IGDCC3: variants seen among roughly 807,000 people sequenced by gnomAD.
IGDCC3 encodes immunoglobulin superfamily DCC subclass member 3, also known as putative neuronal cell adhesion molecule.
A neutral mutation model predicts 72.0 loss-of-function variants in IGDCC3; 47 were observed. That is an observed-to-expected ratio of 0.65 (90% confidence interval 0.52 to 0.83). The LOEUF (loss-of-function observed/expected upper bound fraction) is 0.83, where lower values mean the gene tolerates loss of function less well. Ranked by LOEUF, IGDCC3 falls within the 40% of genes least tolerant of loss-of-function variation. The probability of loss-of-function intolerance (pLI) is 0.00; values close to 1 mark genes in which losing one functional copy is unlikely to be tolerated. For missense variants in IGDCC3, 1,038 were observed against 1,091.3 expected (o/e 0.95, Z 0.69); for synonymous variants, 477 against 472.8 (o/e 1.01, Z -0.11).
At chr15:65,370,140 C>T (rs1050174602) in intron 2 of IGDCC3, among the ~76,000 whole-genome samples, 6 of 152,000 alleles carry the variant, frequency 3.9e-5, no homozygotes, top group African/African-American at 7.2e-5. Flanking sequence ...GGGACCTTTC[C>T]GGGAATGATA....
At chr15:65,330,437 A>G in intron 10 of IGDCC3, 40 bp from the exon 11 acceptor site, 1 of 1,586,892 alleles carries the variant, frequency 6.3e-7, no homozygotes, top group South Asian at 1.1e-5. Flanking sequence ...GCCCCTGCCC[A>G]ACCACGTGCC....
chr15:65,364,650 G>A (rs1400950079), intron 2 of IGDCC3, among the ~76,000 whole-genome samples: 1 of 152,186 alleles, frequency 6.6e-6, no homozygotes, highest in African/African-American at 2.4e-5. Context: ...ACTTTGGGAG[G>A]GTGAGGTGGG....
intron 2 of IGDCC3, among the ~76,000 whole-genome samples, chr15:65,348,300 C>G (rs1386730109): frequency 6.6e-6 from 1 of 152,216 alleles, no homozygotes. Flanking sequence ...GCACTGCAGA[C>G]TCGCCCTGAA....
chr15:65,337,365 G>A lies in IGDCC3; in HGVS notation c.410-1409C>T, dbSNP rs143681816. Among the ~76,000 whole-genome samples, 1,163 of 152,336 alleles carry A rather than the reference G, an allele frequency of 7.6e-3. 7 individuals are homozygous for A. Among genetic ancestry groups the A allele is most frequent in the Non-Finnish European group, 0.013 (879 of 68,028 alleles). On this transcript the variant is annotated intron_variant, in intron 2 of 13. Coordinates refer to ENST00000327987, the MANE Select transcript of IGDCC3 (RefSeq NM_004884.4). ...TACATGTGTGCGGGGCTGTGTCTCC[G>A]TGTATGTGGTCTGAGTGTCTGTGTC...
In IGDCC3 at chr15:65,375,100, C is replaced by A; in HGVS notation, c.406G>T (p.Ala136Ser). 6.2e-7 allele frequency: 1 copy of A among 1,611,106 alleles called. No individual in the cohort carries two copies. Among genetic ancestry groups the A allele is most frequent in the Non-Finnish European group, 8.5e-7 (1 of 1,177,864 alleles). ...AAAACAAGGGATATCCACTTACTTG[C>A]AGCTTGGATGCGAGCCTTCCGGCTG... is the stretch of plus-strand genomic sequence containing the variant. The part of the protein sequence containing the change: ...VVSRKARIQA[A>S]TMSDFHVHPQ... Residue 136 changes from alanine (A) to serine (S), a missense_variant, in exon 2 of 14, where the codon GCA becomes TCA. By Grantham distance (99) the Ala-to-Ser change is moderately conservative. Transcript: ENST00000327987.
At chr15:65,359,366 A>ACTGCAGGGAAGAGGCATGCTT (rs1188362587) in intron 2 of IGDCC3, among the ~76,000 whole-genome samples, 45 of 152,186 alleles carry the variant, frequency 3.0e-4, no homozygotes, top group Non-Finnish European at 5.6e-4. Flanking sequence ...TGCACAGGAC[A>ACTGCAGGGAAGAGGCATGCTT]CTGCAGGGAA....
At position 65,335,331 on chromosome 15, in the gene IGDCC3, G is replaced by A; in HGVS notation, c.645C>T (p.Ala215=). Residue 215 remains alanine (A), a synonymous_variant, in exon 4 of 14, where the codon GCC becomes GCT. Coordinates refer to ENST00000327987, the MANE Select transcript of IGDCC3 (RefSeq NM_004884.4). ...GIFHCVASNI[A]SIRISHGARL... ...TGGCCCCGTGGCTGATCCGGATACT[G>A]GCGATGTTTGAGGCCACACAGTGGA... 1 of 1,613,740 alleles carries A rather than the reference G, an allele frequency of 6.2e-7. No individual in the cohort carries two copies. Among genetic ancestry groups the A allele is most frequent in the Non-Finnish European group, 8.5e-7 (1 of 1,179,816 alleles).
chr15:65,331,904 C>G (rs755265138), intron 7 of IGDCC3, 37 bp downstream of exon 7: 1 of 1,593,948 alleles, frequency 6.3e-7, no homozygotes, highest in Non-Finnish European at 8.5e-7. Flanking sequence ...TCCCTGCTCT[C>G]CCCTGGTCCT....
At position 65,375,269 on chromosome 15, in the gene IGDCC3, C is replaced by T; in HGVS notation, c.237G>A (p.Gly79=). The change falls in exon 2 of 14, where the codon GGG becomes GGA. Residue 79 remains glycine (G), a synonymous_variant. Transcript: ENST00000327987. ...AGTGGGTACTCTCTGGCAGCTCTAC[C>T]CCATTCTTCCTCCAGGTGATTCGCA... is the stretch of plus-strand genomic sequence containing the variant. ...PPVRITWRKN[G]VELPESTHST... 2 of 1,614,172 alleles carry T rather than the reference C, an allele frequency of 1.2e-6. No homozygotes were observed. Among genetic ancestry groups the T allele is most frequent in the South Asian group, 2.2e-5 (2 of 91,072 alleles).
At chr15:65,375,990 T>G (rs1015984637) in intron 1 of IGDCC3, among the ~76,000 whole-genome samples, 1 of 152,230 alleles carries the variant, frequency 6.6e-6, no homozygotes, top group Admixed American at 6.5e-5. Flanking sequence ...TAATAAATCA[T>G]GCTTCTTTTT....
intron 2 of IGDCC3, among the ~76,000 whole-genome samples, chr15:65,349,197 G>A (rs777762416): frequency 3.3e-5 from 5 of 152,218 alleles, no homozygotes; most frequent in African/African-American, 4.8e-5. Flanking sequence ...GTGCTAAGCA[G>A]AGTAGCTAAT....
In IGDCC3 at chr15:65,334,843, C is replaced by G; in HGVS notation, c.708G>C (p.Lys236Asn). The change falls in exon 5 of 14, where the codon AAG (lysine) becomes AAC (asparagine). Residue 236 changes from lysine to asparagine, a missense_variant. Lys to Asn is a moderately conservative substitution (Grantham distance 94). Transcript: ENST00000327987. ...CAGGCCCCACGAGGATGGCTGGCTCCTTGTAGGCCCCAGAGCCCGAGCCTG... is the reference window on the plus strand; with the variant it reads ...CAGGCCCCACGAGGATGGCTGGCTCGTTGTAGGCCCCAGAGCCCGAGCCTG... ...TVSGSGSGAY[K>N]EPAILVGPEN... 6.2e-7 allele frequency: 1 copy of G among 1,613,150 alleles called. No homozygotes were observed. Among genetic ancestry groups the G allele is most frequent in the Non-Finnish European group, 8.5e-7 (1 of 1,179,618 alleles).
At chr15:65,343,423 C>T (rs549888623) in intron 2 of IGDCC3, among the ~76,000 whole-genome samples, 6 of 149,014 alleles carry the variant, frequency 4.0e-5, no homozygotes, top group African/African-American at 1.5e-4. Flanking sequence ...ACATGTGTTG[C>T]GGGGGCGAGC....
At chr15:65,344,587 G>C (rs2091110606) in intron 2 of IGDCC3, among the ~76,000 whole-genome samples, 1 of 152,222 alleles carries the variant, frequency 6.6e-6, no homozygotes, top group Non-Finnish European at 1.5e-5. Context: ...TCTAGCTGTT[G>C]GTCCCCTGGC....
intron 2 of IGDCC3, among the ~76,000 whole-genome samples, chr15:65,340,116 G>A (rs1307698226): frequency 1.3e-5 from 2 of 152,190 alleles, no homozygotes; most frequent in Non-Finnish European, 2.9e-5. Flanking sequence ...GGCTGGAAGG[G>A]AAAAGAAACA....
intron 1 of IGDCC3, among the ~76,000 whole-genome samples, chr15:65,375,984 A>C (rs2091356564): frequency 6.6e-6 from 1 of 152,238 alleles, no homozygotes; most frequent in Non-Finnish European, 1.5e-5. Flanking sequence ...AGATAGTAAT[A>C]AATCATGCTT....
intron 10 of IGDCC3, 43 bp downstream of exon 10, chr15:65,330,507 C>A (rs534631633): frequency 1.3e-6 from 2 of 1,597,650 alleles, no homozygotes; most frequent in Admixed American, 1.7e-5. Context: ...CTCAGCGCCG[C>A]ACTCTGCCAA....
At chr15:65,349,883 C>T (rs917665818) in intron 2 of IGDCC3, among the ~76,000 whole-genome samples, 1 of 152,216 alleles carries the variant, frequency 6.6e-6, no homozygotes, top group African/African-American at 2.4e-5. Context: ...CATCCTGTAG[C>T]TCAGTAGCTA....
intron 2 of IGDCC3, among the ~76,000 whole-genome samples, chr15:65,369,286 C>T (rs1056089969): frequency 9.9e-5 from 15 of 152,106 alleles, no homozygotes; most frequent in African/African-American, 3.4e-4. Flanking sequence ...CAGAGGTGAG[C>T]CTCAGTCCAA....
Sources: allele counts gnomAD v4.1 joint callset (sites outside exome capture counted in the v4.1 genomes callset), GRCh38; gene constraint gnomAD v4.1.1; transcripts MANE v1.5; gene names NCBI Gene and HGNC (gene_info 2026-07-23, HGNC 2026-07-21).